Variants in SNTB1 observed in about 807,000 individuals in gnomAD.
SNTB1 encodes syntrophin beta 1.
A neutral mutation model predicts 48.9 loss-of-function variants in SNTB1; 36 were observed. That is an observed-to-expected ratio of 0.74 (90% CI 0.56 to 0.97). The LOEUF (loss-of-function observed/expected upper bound fraction) is 0.97, where lower values mean the gene tolerates loss of function less well. Ranked by LOEUF, SNTB1 falls within the 50% of genes least tolerant of loss-of-function variation. The pLI, the probability that SNTB1 is intolerant of heterozygous loss-of-function variation, is 0.00. For synonymous variants in SNTB1, 299 were observed against 294.6 expected (o/e 1.01, Z -0.15); for missense variants, 786 against 703.4 (o/e 1.12, Z -1.33).
intron 1 of SNTB1, among the ~76,000 whole-genome samples, chr8:120,759,102 A>G (rs1819367183): frequency 6.6e-6 from 1 of 152,090 alleles, no homozygotes; most frequent in Non-Finnish European, 1.5e-5. Context: ...GGCATTTCTG[A>G]CATCTTATAG....
At chr8:120,660,302 C>G (rs1287109092) in intron 2 of SNTB1, among the ~76,000 whole-genome samples, 1 of 152,178 alleles carries the variant, frequency 6.6e-6, no homozygotes, top group East Asian at 1.9e-4. Flanking sequence ...TTTAGTGAAG[C>G]CACCTTCATC....
At chr8:120,760,592 C>A (rs1006111207) in intron 1 of SNTB1, among the ~76,000 whole-genome samples, 2 of 152,094 alleles carry the variant, frequency 1.3e-5, no homozygotes, top group African/African-American at 4.8e-5. Context: ...GAAGCTTAAC[C>A]AGGTTTGCAC....
At chr8:120,793,087 A>C (rs1820063485) in intron 1 of SNTB1, among the ~76,000 whole-genome samples, 1 of 152,020 alleles carries the variant, frequency 6.6e-6, no homozygotes, top group African/African-American at 2.4e-5. Context: ...GAAATGAATA[A>C]GAAACATGTA....
intron 2 of SNTB1, among the ~76,000 whole-genome samples, chr8:120,652,855 G>A (rs1817431696): frequency 1.3e-5 from 2 of 152,122 alleles, no homozygotes; most frequent in African/African-American, 4.8e-5. Context: ...CTACATTAGT[G>A]AACATAATGT....
chr8:120,579,930 G>A (rs182240881), intron 3 of SNTB1, among the ~76,000 whole-genome samples: 15 of 152,276 alleles, frequency 9.9e-5, no homozygotes, highest in Non-Finnish European at 1.3e-4. Flanking sequence ...TTACTATTAA[G>A]GAGAGTGCAC....
At chr8:120,717,791 A>G (rs1818586267) in intron 1 of SNTB1, among the ~76,000 whole-genome samples, 3 of 152,198 alleles carry the variant, frequency 2.0e-5, no homozygotes, top group African/African-American at 4.8e-5. Context: ...CTGTTTGTTC[A>G]GTCCCCACAC....
At chr8:120,770,316 T>C (rs1274574618) in intron 1 of SNTB1, among the ~76,000 whole-genome samples, 1 of 151,926 alleles carries the variant, frequency 6.6e-6, no homozygotes. Context: ...GAGGTCAGTG[T>C]GGATCCTTTC....
At chr8:120,587,371 A>G (rs947082453) in intron 3 of SNTB1, among the ~76,000 whole-genome samples, 2 of 152,240 alleles carry the variant, frequency 1.3e-5, no homozygotes, top group African/African-American at 4.8e-5. Context: ...CTTACAAATT[A>G]TAAAGATCTC....
intron 2 of SNTB1, among the ~76,000 whole-genome samples, chr8:120,641,003 C>T (rs1217760666): frequency 6.6e-6 from 1 of 152,104 alleles, no homozygotes; most frequent in Non-Finnish European, 1.5e-5. Flanking sequence ...TCCATCTGGT[C>T]CTGGACTTTT....
At chr8:120,803,008 A>C (rs558075365) in intron 1 of SNTB1, among the ~76,000 whole-genome samples, 1 of 151,498 alleles carries the variant, frequency 6.6e-6, no homozygotes, top group Admixed American at 6.5e-5. Context: ...GAAGAGAAAA[A>C]AACAAAAAAC....
intron 2 of SNTB1, chr8:120,636,035 C>A: frequency 5.1e-6 from 5 of 979,300 alleles, no homozygotes; most frequent in South Asian, 2.1e-5. Context: ...CTACTGAGTT[C>A]TAAAGAACTC....
chr8:120,693,993 C>T, intron 1 of SNTB1, 85 bp from the exon 2 acceptor site: 1 of 1,077,092 alleles, frequency 9.3e-7, no homozygotes, highest in Non-Finnish European at 1.4e-6. Flanking sequence ...AATAGACTTG[C>T]TTTGGATAAG....
At chr8:120,756,259 G>A (rs1819316224) in intron 1 of SNTB1, among the ~76,000 whole-genome samples, 1 of 152,068 alleles carries the variant, frequency 6.6e-6, no homozygotes, top group Non-Finnish European at 1.5e-5. Context: ...TCTTACACTG[G>A]AATGTACATT....
At chr8:120,682,372 T>G (rs1817945299) in intron 2 of SNTB1, among the ~76,000 whole-genome samples, 2 of 151,148 alleles carry the variant, frequency 1.3e-5, no homozygotes, top group Non-Finnish European at 2.9e-5. Flanking sequence ...GTTAGGTCTG[T>G]TATGAGTGCC....
At chr8:120,805,154 T>A (rs1820311377) in intron 1 of SNTB1, among the ~76,000 whole-genome samples, 1 of 152,180 alleles carries the variant, frequency 6.6e-6, no homozygotes, top group Admixed American at 6.5e-5. Context: ...CGGTTCATCA[T>A]CTAATGACTA....
At chr8:120,662,753 C>T (rs1480142256) in intron 2 of SNTB1, among the ~76,000 whole-genome samples, 1 of 152,056 alleles carries the variant, frequency 6.6e-6, no homozygotes, top group African/African-American at 2.4e-5. Flanking sequence ...GGGTGTTTAT[C>T]AATTATCATG....
intron 2 of SNTB1, among the ~76,000 whole-genome samples, chr8:120,634,728 G>C (rs1180387098): frequency 2.0e-5 from 3 of 152,100 alleles, no homozygotes; most frequent in Non-Finnish European, 4.4e-5. Context: ...ACTTGGCCTT[G>C]TTAACATTTG....
chr8:120,603,469 G>T (rs955138237), intron 3 of SNTB1, among the ~76,000 whole-genome samples: 1 of 152,120 alleles, frequency 6.6e-6, no homozygotes, highest in African/African-American at 2.4e-5. Context: ...GACAAGAATT[G>T]TTCTAAAGCA....
At chr8:120,606,634 G>C (rs1299892491) in intron 3 of SNTB1, among the ~76,000 whole-genome samples, 1 of 152,090 alleles carries the variant, frequency 6.6e-6, no homozygotes, top group Admixed American at 6.6e-5. Flanking sequence ...TATTCACTGA[G>C]GTAAAATTTT....
Sources: gnomAD v4.1 joint callset for allele counts (sites outside exome capture counted in the v4.1 genomes callset) on GRCh38, gnomAD v4.1.1 for gene constraint, MANE v1.5 for transcripts, NCBI Gene and HGNC (gene_info 2026-07-23, HGNC 2026-07-21) for gene names.